CTNNA3: variants seen among roughly 807,000 people sequenced by gnomAD.
CTNNA3 encodes the protein catenin alpha-3.
In CTNNA3, 76 loss-of-function variants were observed where a neutral mutation model predicts 95.7. The ratio of observed to expected loss-of-function variants is 0.79; its 90% confidence interval spans 0.66 to 0.96. CTNNA3 has a LOEUF of 0.96. CTNNA3 is among the 40% of genes least tolerant of loss of function. The pLI is 0.00. For synonymous variants in CTNNA3, 431 were observed against 374.4 expected (o/e 1.15, Z -1.74); for missense variants, 1,191 against 1,089.8 (o/e 1.09, Z -1.31).
intron 4 of CTNNA3, among the ~76,000 whole-genome samples, chr10:67,530,324 T>A (rs1840288386): frequency 6.6e-6 from 1 of 152,152 alleles, no homozygotes. Context: ...CCTAGAGACT[T>A]GTTGAATGGC....
At chr10:67,165,339 G>A (rs566231835) in intron 7 of CTNNA3, among the ~76,000 whole-genome samples, 1 of 152,156 alleles carries the variant, frequency 6.6e-6, no homozygotes, top group South Asian at 2.1e-4. Context: ...CATTTGCCGA[G>A]GGTTAGGCAC....
intron 3 of CTNNA3, among the ~76,000 whole-genome samples, chr10:67,603,279 A>T (rs574633684): frequency 1.3e-5 from 2 of 152,338 alleles, no homozygotes; most frequent in South Asian, 2.1e-4. Context: ...TGTTTTGCAT[A>T]ACAACATTTT....
intron 5 of CTNNA3, among the ~76,000 whole-genome samples, chr10:67,451,048 C>T (rs1846960417): frequency 6.6e-6 from 1 of 152,018 alleles, no homozygotes; most frequent in African/African-American, 2.4e-5. Flanking sequence ...GCCATGAAGG[C>T]TCCATCCTCA....
chr10:66,377,768 T>C (rs892067943), intron 12 of CTNNA3, among the ~76,000 whole-genome samples: 1 of 151,536 alleles, frequency 6.6e-6, no homozygotes, highest in Non-Finnish European at 1.5e-5. Context: ...ATGAAAGGAG[T>C]GCTTAAATTT....
At chr10:67,288,924 AC>A (rs1839714003) in intron 5 of CTNNA3, among the ~76,000 whole-genome samples, 1 of 152,122 alleles carries the variant, frequency 6.6e-6, no homozygotes, top group South Asian at 2.1e-4. Flanking sequence ...TGATTGCACC[AC>A]TGCACTCCAT....
intron 17 of CTNNA3, among the ~76,000 whole-genome samples, chr10:65,942,235 G>T (rs1473818644): frequency 1.3e-5 from 2 of 152,188 alleles, no homozygotes; most frequent in Non-Finnish European, 2.9e-5. Context: ...ACTTGGGAAT[G>T]ATTGCAAGTA....
intron 7 of CTNNA3, among the ~76,000 whole-genome samples, chr10:66,843,309 G>A (rs1843134191): frequency 2.6e-5 from 4 of 152,084 alleles, no homozygotes; most frequent in African/African-American, 7.2e-5. Flanking sequence ...AAGGCAAACT[G>A]CATATTTCTT....
At chr10:67,560,158 G>C (rs1306268101) in intron 3 of CTNNA3, among the ~76,000 whole-genome samples, 4 of 152,070 alleles carry the variant, frequency 2.6e-5, no homozygotes, top group Admixed American at 6.6e-5. Flanking sequence ...TACTCCTCGA[G>C]AAGAGCAACT....
intron 6 of CTNNA3, among the ~76,000 whole-genome samples, chr10:67,192,719 C>A (rs923276809): frequency 6.6e-6 from 1 of 151,798 alleles, no homozygotes; most frequent in Non-Finnish European, 1.5e-5. Context: ...AAAAATACAA[C>A]TACCAAAAGA....
chr10:66,441,152 G>A (rs1220808237), intron 11 of CTNNA3, among the ~76,000 whole-genome samples: 1 of 152,096 alleles, frequency 6.6e-6, no homozygotes, highest in Non-Finnish European at 1.5e-5. Flanking sequence ...TAGCAACACA[G>A]CAAGACCCTG....
chr10:67,263,459 C>T lies in CTNNA3; in HGVS notation c.580-43589G>A, dbSNP rs573270227. On this transcript the variant is annotated intron_variant, in intron 5 of 17. Transcript: ENST00000433211. ...TGCAGAATCTTTTCCTTTGATATGACAGTCCAAGGGGTATATTAACAAGGG... is the reference window on the plus strand; with the variant it reads ...TGCAGAATCTTTTCCTTTGATATGATAGTCCAAGGGGTATATTAACAAGGG... 3.3e-5 allele frequency among the ~76,000 whole-genome samples: 5 copies of T among 152,260 alleles called. No individual in the cohort carries two copies. In the South Asian group the frequency reaches 8.3e-4, roughly 25 times the overall value.
intron 7 of CTNNA3, among the ~76,000 whole-genome samples, chr10:66,785,181 G>A (rs1840692613): frequency 6.6e-6 from 1 of 152,180 alleles, no homozygotes; most frequent in Admixed American, 6.6e-5. Context: ...TAAATAAGCA[G>A]TCAGCTGCAG....
intron 1 of CTNNA3, among the ~76,000 whole-genome samples, chr10:67,685,025 G>A (rs989200648): frequency 1.3e-5 from 2 of 152,216 alleles, no homozygotes; most frequent in African/African-American, 4.8e-5. Context: ...TCAGCAGTGA[G>A]GAGGTCTAAG....
intron 5 of CTNNA3, among the ~76,000 whole-genome samples, chr10:67,243,747 AT>A (rs1452761622): frequency 6.6e-6 from 1 of 152,162 alleles, no homozygotes; most frequent in Non-Finnish European, 1.5e-5. Flanking sequence ...GGAAATGACT[AT>A]TCATCTTTTA....
intron 12 of CTNNA3, among the ~76,000 whole-genome samples, chr10:66,356,432 T>C (rs1427612394): frequency 6.6e-6 from 1 of 152,034 alleles, no homozygotes; most frequent in Non-Finnish European, 1.5e-5. Flanking sequence ...AGATTTATAC[T>C]TACGTATATC....
chr10:66,899,506 G>A (rs1206074431), intron 7 of CTNNA3, among the ~76,000 whole-genome samples: 1 of 152,204 alleles, frequency 6.6e-6, no homozygotes, highest in African/African-American at 2.4e-5. Context: ...TGGTTGGACA[G>A]TGGGTGCAGC....
intron 1 of CTNNA3, among the ~76,000 whole-genome samples, chr10:67,754,448 C>G (rs1285267529): frequency 1.3e-5 from 2 of 151,926 alleles, no homozygotes; most frequent in Non-Finnish European, 2.9e-5. Flanking sequence ...GCAAATGTAT[C>G]CCAGAACTTA....
intron 9 of CTNNA3, among the ~76,000 whole-genome samples, chr10:66,730,747 CTA>C (rs1279024598): frequency 6.6e-6 from 1 of 152,124 alleles, no homozygotes; most frequent in Non-Finnish European, 1.5e-5. Flanking sequence ...CCTTGAGTGA[CTA>C]TGTGGAAGGA....
chr10:67,378,119 C>T (rs1843765737), intron 5 of CTNNA3, among the ~76,000 whole-genome samples: 1 of 152,108 alleles, frequency 6.6e-6, no homozygotes, highest in South Asian at 2.1e-4. Flanking sequence ...CCCTAGTGTC[C>T]TATGTTCTAC....
Sources: allele counts gnomAD v4.1 joint callset (sites outside exome capture counted in the v4.1 genomes callset), GRCh38; gene constraint gnomAD v4.1.1; transcripts MANE v1.5; gene names NCBI Gene and HGNC (gene_info 2026-07-23, HGNC 2026-07-21).